AGBL4: variants seen among roughly 807,000 people sequenced by gnomAD.
AGBL4 encodes the protein AGBL carboxypeptidase 4.
AGBL4 carries 58 observed loss-of-function variants against 66.4 expected under a neutral mutation model. The ratio of observed to expected loss-of-function variants is 0.87; its 90% CI spans 0.71 to 1.09. The LOEUF (loss-of-function observed/expected upper bound fraction) is 1.09, where lower values mean the gene tolerates loss of function less well. AGBL4 is among the 50% of genes least tolerant of loss of function. The pLI is 0.00. For synonymous variants in AGBL4, 234 were observed against 222.9 expected, an observed-to-expected ratio of 1.05 and a Z score of -0.44; for missense variants, 579 against 631.0, an observed-to-expected ratio of 0.92 and a Z score of 0.88.
chr1:49,610,592 C>A (rs1239378325), intron 3 of AGBL4, among the ~76,000 whole-genome samples: 4 of 152,166 alleles, frequency 2.6e-5, no homozygotes, highest in African/African-American at 9.7e-5. Context: ...CATGTGAGCT[C>A]TATTCTCATG....
chr1:49,599,531 GTCTA>G (rs1157172994), intron 3 of AGBL4, among the ~76,000 whole-genome samples: 7 of 152,002 alleles, frequency 4.6e-5, no homozygotes, highest in Non-Finnish European at 7.4e-5. Flanking sequence ...ATGGTGAGCA[GTCTA>G]TCTATTTTGT....
intron 3 of AGBL4, among the ~76,000 whole-genome samples, chr1:49,671,195 C>T (rs1194909595): frequency 6.6e-6 from 1 of 152,082 alleles, no homozygotes; most frequent in East Asian, 1.9e-4. Flanking sequence ...ACATGACCAT[C>T]TGATGTTTGA....
intron 3 of AGBL4, among the ~76,000 whole-genome samples, chr1:49,293,011 C>T (rs1644572250): frequency 6.6e-6 from 1 of 152,254 alleles, no homozygotes; most frequent in Non-Finnish European, 1.5e-5. Context: ...AGCTGCGGCC[C>T]TTTGGGAAGC....
At chr1:49,544,668 T>A (rs1188093451) in intron 3 of AGBL4, among the ~76,000 whole-genome samples, 2 of 152,224 alleles carry the variant, frequency 1.3e-5, no homozygotes, top group African/African-American at 4.8e-5. Context: ...TATTTCCCCA[T>A]TTATATCTCA....
intron 6 of AGBL4, among the ~76,000 whole-genome samples, chr1:48,712,102 C>G (rs1419803885): frequency 1.3e-5 from 2 of 152,192 alleles, no homozygotes; most frequent in African/African-American, 4.8e-5. Flanking sequence ...ATCCTAAAAG[C>G]TCCAATCCAA....
chr1:49,985,321 C>T (rs1659410181), intron 1 of AGBL4, among the ~76,000 whole-genome samples: 1 of 151,932 alleles, frequency 6.6e-6, no homozygotes, highest in South Asian at 2.1e-4. Context: ...GACTCAAAGA[C>T]AGAATAAACA....
chr1:48,878,500 G>A (rs991184260), intron 5 of AGBL4, among the ~76,000 whole-genome samples: 1 of 152,166 alleles, frequency 6.6e-6, no homozygotes, highest in African/African-American at 2.4e-5. Flanking sequence ...TTAGCTAAGT[G>A]CTTGGAATTT....
At chr1:49,111,362 T>A (rs1307037351) in intron 4 of AGBL4, among the ~76,000 whole-genome samples, 1 of 152,232 alleles carries the variant, frequency 6.6e-6, no homozygotes, top group Non-Finnish European at 1.5e-5. Context: ...TCCGCCCGCC[T>A]TGGCCTCCCA....
chr1:49,059,194 G>C (rs1370770620), intron 4 of AGBL4, among the ~76,000 whole-genome samples: 1 of 152,180 alleles, frequency 6.6e-6, no homozygotes. Context: ...TCATGGCAGG[G>C]CCCAGGGACC....
intron 6 of AGBL4, among the ~76,000 whole-genome samples, chr1:48,690,890 G>A (rs1026721110): frequency 6.6e-5 from 10 of 151,936 alleles, no homozygotes; most frequent in African/African-American, 1.9e-4. Flanking sequence ...ATTTTAGGCC[G>A]GGCATGGCTC....
rs141573190 is a variant in AGBL4 at position 48,717,538 on chromosome 1, G to A, written c.635-54297C>T. Among the ~76,000 whole-genome samples the A allele has an allele frequency of 9.9e-5, 15 of 152,202 alleles. 1 individual carries two copies. The highest frequency in any genetic ancestry group is 1.7e-4 in the African/African-American group (7 of 41,516). On this transcript the variant is annotated intron_variant, in intron 6 of 13. Coordinates refer to ENST00000371839, the MANE Select transcript of AGBL4 (RefSeq NM_032785.4). ...AATGTGTGTGCGTGTGTGTGTGCGC[G>A]CGTGCATGCAGGTAATTTTCCTGTT...
chr1:49,570,921 C>A (rs1644313582), intron 3 of AGBL4, among the ~76,000 whole-genome samples: 1 of 151,972 alleles, frequency 6.6e-6, no homozygotes, highest in Admixed American at 6.6e-5. Context: ...TTTCTGGGTT[C>A]TCTATTCTGT....
intron 4 of AGBL4, among the ~76,000 whole-genome samples, chr1:49,104,115 CT>C (rs1200835121): frequency 6.6e-6 from 1 of 152,124 alleles, no homozygotes; most frequent in African/African-American, 2.4e-5. Flanking sequence ...CTGACTTAAG[CT>C]TCTTCTTCCT....
At chr1:49,214,583 A>G (rs1431637) in intron 4 of AGBL4, among the ~76,000 whole-genome samples, 1 of 152,118 alleles carries the variant, frequency 6.6e-6, no homozygotes, top group Non-Finnish European at 1.5e-5. Flanking sequence ...GTAATGATAA[A>G]CAATGAAACT....
chr1:49,452,360 C>T (rs1368335776), intron 3 of AGBL4, among the ~76,000 whole-genome samples: 3 of 151,894 alleles, frequency 2.0e-5, no homozygotes, highest in East Asian at 3.9e-4. Context: ...TCATACTGTG[C>T]TTAAAACTCT....
chr1:48,862,531 C>T (rs1253850388), intron 6 of AGBL4, among the ~76,000 whole-genome samples: 3 of 152,108 alleles, frequency 2.0e-5, no homozygotes, highest in African/African-American at 7.2e-5. Flanking sequence ...CCGTGTTAGC[C>T]AGGATGGTCT....
At chr1:49,165,594 A>G (rs1366395186) in intron 4 of AGBL4, among the ~76,000 whole-genome samples, 2 of 151,906 alleles carry the variant, frequency 1.3e-5, no homozygotes, top group Non-Finnish European at 2.9e-5. Flanking sequence ...TGATAATGTG[A>G]TAAGAAATGA....
intron 3 of AGBL4, among the ~76,000 whole-genome samples, chr1:49,342,216 C>A (rs2982389): frequency 0.96 from 146,679 of 152,250 alleles, 70,697 homozygotes; most frequent in East Asian, 1. Flanking sequence ...GAATGCTAAA[C>A]GTCACTGCTT....
intron 4 of AGBL4, among the ~76,000 whole-genome samples, chr1:49,230,485 C>A (rs780784121): frequency 3.9e-5 from 6 of 152,174 alleles, no homozygotes. Context: ...CTGAGAACTA[C>A]ATATATCCTC....
Sources: allele counts gnomAD v4.1 joint callset (sites outside exome capture counted in the v4.1 genomes callset), GRCh38; gene constraint gnomAD v4.1.1; transcripts MANE v1.5; gene names NCBI Gene and HGNC (gene_info 2026-07-23, HGNC 2026-07-21).